Variants in RLF observed in about 807,000 individuals in gnomAD.
RLF encodes zinc finger protein Rlf.
RLF carries 7 observed loss-of-function variants against 162.9 expected under a neutral mutation model. The ratio of observed to expected loss-of-function variants is 0.04; its 90% confidence interval spans 0.02 to 0.08. The LOEUF is 0.08. Ranked by LOEUF, RLF falls within the 10% of genes least tolerant of loss-of-function variation. The pLI is 1.00. For synonymous variants in RLF, 782 were observed against 791.5 expected (o/e 0.99, Z 0.20); for missense variants, 1,664 against 2,244.7 (o/e 0.74, Z 5.23).
rs1232580071 is a variant in RLF at position 40,202,393 on chromosome 1, T to C, written c.608-19T>C. On this transcript the variant is annotated intron_variant, in intron 4 of 7. Coordinates refer to ENST00000372771, the MANE Select transcript of RLF (RefSeq NM_012421.4). ...TATGTGGTATGTTGTCAAACTGTTT[T>C]ATTTTTCATTTTTTCTAGTCAATAA... 3 of 1,537,654 alleles carry C rather than the reference T, an allele frequency of 2.0e-6. No individual in the cohort carries two copies. The highest frequency in any genetic ancestry group is 2.5e-5 in the South Asian group (2 of 81,574).
At chr1:40,195,795 T>G (rs1468767311) in intron 4 of RLF, 31 bp downstream of exon 4, 3 of 1,591,034 alleles carry the variant, frequency 1.9e-6, no homozygotes, top group East Asian at 4.5e-5. Flanking sequence ...GGATGAGGAT[T>G]TAGTTCTGAG....
Position 40,238,720 on chromosome 1 carries a change from G to T in RLF, c.4018G>T (p.Glu1340Ter). ...HYRTVHQYNK[E>*]QLCLEKDKAR... ...CAGAACTGTACATCAGTACAACAAA[G>T]AACAGTTATGTTTGGAGAAAGACAA... Residue 1340 changes from glutamate to a stop codon, truncating the protein, a stop_gained, in exon 8 of 8, where the codon GAA (glutamate) becomes TAA (stop). Transcript: ENST00000372771. LOFTEE classifies it high-confidence loss of function. This position sits in a 1 kb window ranked among gnomAD's most constrained non-coding sequence, Gnocchi z 5.2. 6.2e-7 allele frequency: 1 copy of T among 1,613,842 alleles called. No homozygotes were observed. Among genetic ancestry groups the T allele is most frequent in the South Asian group, 1.1e-5 (1 of 91,038 alleles).
At chr1:40,193,918 T>C (rs1642594466) in intron 3 of RLF, among the ~76,000 whole-genome samples, 1 of 152,204 alleles carries the variant, frequency 6.6e-6, no homozygotes, top group African/African-American at 2.4e-5. Flanking sequence ...AAAGAAATGT[T>C]GACGTAAATG....
At position 40,202,515 on chromosome 1, in the gene RLF, A is replaced by G. The variant is rs557902608; in HGVS notation, c.711A>G (p.Leu237=). 7.6e-6 allele frequency: 12 copies of G among 1,571,074 alleles called. No homozygotes were observed. The African/African-American group carries it at 9.7e-5, about 13-fold the overall frequency. ...CIPQATALSK[L]CAESKEISNV... is the part of the protein sequence containing the mutation. ...CCCAGGCTACTGCTTTATCAAAACT[A>G]TGTGCAGAATCTAAAGAAATTTCAA... Residue 237 remains leucine (L), a synonymous_variant, in exon 5 of 8, where the codon CTA becomes CTG. Transcript: ENST00000372771.
intron 1 of RLF, among the ~76,000 whole-genome samples, chr1:40,188,609 A>G (rs1249742763): frequency 7.2e-6 from 1 of 138,922 alleles, no homozygotes; most frequent in African/African-American, 2.5e-5. Flanking sequence ...AATCAATTCC[A>G]TGTGTCCAGA....
At chr1:40,222,765 G>T (rs1379049934) in intron 6 of RLF, 55 bp downstream of exon 6, 1 of 1,469,902 alleles carries the variant, frequency 6.8e-7, no homozygotes, top group Non-Finnish European at 9.4e-7. Context: ...ATAGCATTTA[G>T]GGTTTATGTA....
At chr1:40,165,792 C>T (rs1038259703) in intron 1 of RLF, among the ~76,000 whole-genome samples, 5 of 152,050 alleles carry the variant, frequency 3.3e-5, no homozygotes, top group African/African-American at 9.7e-5. Flanking sequence ...CCCCCCCCTC[C>T]GCCAAAGGAA....
At chr1:40,197,156 G>T (rs545091392) in intron 4 of RLF, among the ~76,000 whole-genome samples, 1 of 152,182 alleles carries the variant, frequency 6.6e-6, no homozygotes, top group East Asian at 1.9e-4. Flanking sequence ...GAGAAGATGG[G>T]CATAAAGGCA....
At chr1:40,212,361 T>G (rs1642875244) in intron 5 of RLF, among the ~76,000 whole-genome samples, 1 of 152,230 alleles carries the variant, frequency 6.6e-6, no homozygotes, top group Non-Finnish European at 1.5e-5. Context: ...CATGGAATCC[T>G]GGAGTTTTAG....
Position 40,237,400 on chromosome 1 carries a change from T to C in RLF, c.2698T>C (p.Leu900=). ...ENSDSNSSDQ[L]SHSSSASMNE... ...CAGTGACAGTAATTCTAGTGATCAGTTAAGTCATAGCTCTTCAGCTTCAAT... is the reference window on the plus strand; with the variant it reads ...CAGTGACAGTAATTCTAGTGATCAGCTAAGTCATAGCTCTTCAGCTTCAAT... Residue 900 remains leucine (L), a synonymous_variant, in exon 8 of 8, where the codon TTA becomes CTA. Coordinates refer to ENST00000372771, the MANE Select transcript of RLF (RefSeq NM_012421.4). This position sits in a 1 kb window ranked among gnomAD's most constrained non-coding sequence, Gnocchi z 4.4. 6.2e-7 allele frequency: 1 copy of C among 1,614,064 alleles called. No individual in the cohort carries two copies. The highest frequency in any genetic ancestry group is 2.2e-5 in the East Asian group (1 of 44,878).
chr1:40,239,076 C>T lies in RLF; in HGVS notation c.4374C>T (p.Arg1458=), dbSNP rs137946572. The change falls in exon 8 of 8, where the codon CGC becomes CGT. Residue 1458 remains arginine, a synonymous_variant. Coordinates refer to ENST00000372771, the MANE Select transcript of RLF (RefSeq NM_012421.4). ...GCTGTGGCCAGATTTTCACCCATCGCAGTAATTACTCACAACATGTATATT... is the reference window on the plus strand; with the variant it reads ...GCTGTGGCCAGATTTTCACCCATCGTAGTAATTACTCACAACATGTATATT... ...LNGCGQIFTH[R]SNYSQHVYYR... is the part of the protein sequence containing the mutation. 8.4e-5 allele frequency: 135 copies of T among 1,614,154 alleles called. 1 individual carries two copies. The South Asian group carries it at 1.0e-3, about 12-fold the overall frequency.
chr1:40,208,438 C>A (rs1185306336), intron 5 of RLF, among the ~76,000 whole-genome samples: 3 of 152,208 alleles, frequency 2.0e-5, no homozygotes, highest in Admixed American at 6.5e-5. Flanking sequence ...AATATAACTG[C>A]AGAAAACATT....
intron 1 of RLF, among the ~76,000 whole-genome samples, chr1:40,178,640 T>TTG (rs1251537922): frequency 2.0e-5 from 3 of 148,768 alleles, no homozygotes; most frequent in African/African-American, 7.4e-5. Context: ...TTGTTTTTTT[T>TTG]TTTTTTTTGG....
At chr1:40,197,909 A>C (rs1439605287) in intron 4 of RLF, among the ~76,000 whole-genome samples, 3 of 152,222 alleles carry the variant, frequency 2.0e-5, no homozygotes, top group Admixed American at 1.3e-4. Context: ...TGTTCATCTC[A>C]CTGATTGTCT....
At position 40,240,166 on chromosome 1, in the gene RLF, G is replaced by A; in HGVS notation, c.5464G>A (p.Glu1822Lys). Residue 1822 changes from glutamate to lysine, a missense_variant, in exon 8 of 8, where the codon GAA becomes AAA. By Grantham distance (56) the Glu-to-Lys change is moderately conservative. Transcript: ENST00000372771. ...VVANNMVNDS[E>K]PEVDIPHSSS... ...GGCAAATAATATGGTGAATGACAGT[G>A]AACCTGAAGTTGACATACCTCATTC... The A allele has an allele frequency of 6.2e-7, 1 of 1,614,198 alleles. No individual in the cohort carries two copies. Among genetic ancestry groups the A allele is most frequent in the Non-Finnish European group, 8.5e-7 (1 of 1,180,036 alleles).
intron 1 of RLF, among the ~76,000 whole-genome samples, chr1:40,186,531 T>G (rs1047129529): frequency 2.0e-5 from 3 of 152,198 alleles, no homozygotes; most frequent in African/African-American, 7.2e-5. Flanking sequence ...GCTATTAGAT[T>G]GGTGGCAAGA....
chr1:40,181,392 C>T (rs902955392), intron 1 of RLF, among the ~76,000 whole-genome samples: 5 of 152,140 alleles, frequency 3.3e-5, no homozygotes, highest in Middle Eastern at 3.4e-3. Flanking sequence ...ATGGCACCAC[C>T]GCACTCCAGC....
chr1:40,221,007 C>G (rs951360436), intron 5 of RLF, among the ~76,000 whole-genome samples: 11 of 151,000 alleles, frequency 7.3e-5, no homozygotes, highest in African/African-American at 2.7e-4. Context: ...TGGTACACAC[C>G]TGTGGTCCCA....
At chr1:40,201,784 A>G (rs1431168176) in intron 4 of RLF, among the ~76,000 whole-genome samples, 1 of 152,152 alleles carries the variant, frequency 6.6e-6, no homozygotes, top group Non-Finnish European at 1.5e-5. Context: ...CCAGGAACAC[A>G]TGTTTTACAG....
Sources: gnomAD v4.1 joint callset for allele counts (sites outside exome capture counted in the v4.1 genomes callset) on GRCh38, gnomAD v4.1.1 for gene constraint, Gnocchi (gnomAD v3.1) non-coding constraint, MANE v1.5 for transcripts, NCBI Gene and HGNC (gene_info 2026-07-23, HGNC 2026-07-21) for gene names.